The following SCN1A variants were observed in gnomAD, a reference collection of about 807,000 sequenced individuals.
The protein encoded by SCN1A is sodium channel protein type 1 subunit alpha.
In SCN1A, 13 loss-of-function variants were observed where a neutral mutation model predicts 193.7. That is an observed-to-expected ratio of 0.07 (90% CI 0.04 to 0.11). SCN1A has a LOEUF of 0.11. Ranked by LOEUF, SCN1A falls within the 10% of genes least tolerant of loss-of-function variation. The probability of loss-of-function intolerance (pLI) is 1.00; values close to 1 mark genes in which losing one functional copy is unlikely to be tolerated. For missense variants in SCN1A, 1,432 were observed against 2,451.1 expected (o/e 0.58, Z 8.78); for synonymous variants, 781 against 843.6 (o/e 0.93, Z 1.29).
upstream of SCN1A, among the ~76,000 whole-genome samples, chr2:166,131,197 CT>C (rs754050559): frequency 3.9e-5 from 6 of 152,108 alleles, no homozygotes; most frequent in Non-Finnish European, 7.3e-5. Flanking sequence ...CCAGGAACCC[CT>C]TTGTAATCTT....
chr2:166,082,175 G>A (rs1685596071), intron 2 of SCN1A, among the ~76,000 whole-genome samples: 3 of 151,944 alleles, frequency 2.0e-5, no homozygotes, highest in Admixed American at 1.3e-4. Context: ...ACAGAGATTA[G>A]TCTATTCCTC....
At chr2:166,099,128 C>G (rs1250770433) in intron 2 of SCN1A, among the ~76,000 whole-genome samples, 2 of 152,270 alleles carry the variant, frequency 1.3e-5, no homozygotes, top group East Asian at 3.9e-4. Context: ...GTAACCAAAA[C>G]AGCATAGTAC....
rs114574478 is a variant in SCN1A, at chr2:166,097,773, G to T, written c.-141-19972C>A. ...TTTAAAAATATTTTGTAGGGACAGG[G>T]TCTCACTTTGCTGCCTAGGTGGATC... On this transcript the variant is annotated intron_variant, in intron 2 of 28. Transcript: ENST00000674923. Among the ~76,000 whole-genome samples the T allele has an allele frequency of 2.7e-3, 412 of 152,182 alleles. 2 individuals are homozygous for T. The highest frequency in any genetic ancestry group is 9.6e-3 in the African/African-American group (399 of 41,524).
At chr2:166,005,466 A>T (rs1239582233) in intron 23 of SCN1A, among the ~76,000 whole-genome samples, 1 of 151,408 alleles carries the variant, frequency 6.6e-6, no homozygotes, top group Non-Finnish European at 1.5e-5. Context: ...TGACGCAAGC[A>T]TGTACTCTGC....
chr2:166,055,327 G>A (rs1699018869), intron 6 of SCN1A, among the ~76,000 whole-genome samples: 1 of 151,726 alleles, frequency 6.6e-6, no homozygotes, highest in Non-Finnish European at 1.5e-5. Context: ...AGAAACTTAG[G>A]TGTTTCCAAA....
In SCN1A at chr2:165,994,650, A is replaced by AAAAC. The variant is rs140431192; in HGVS notation, c.4582-238_4582-235dup. On this transcript the variant is annotated intron_variant, in intron 27 of 28. Coordinates refer to ENST00000674923, the MANE Select transcript of SCN1A (RefSeq NM_001165963.4). ...CCTTATCCAAAGAAGGTTTCTGATA[A>AAAAC]AAACAAACAAACAAACAAACAAACA... Among the ~76,000 whole-genome samples, 3,139 of 150,968 alleles carry AAAAC rather than the reference A, an allele frequency of 0.021. 100 individuals are homozygous for AAAAC. The highest frequency in any genetic ancestry group is 0.071 in the African/African-American group (2,925 of 41,134).
intron 20 of SCN1A, among the ~76,000 whole-genome samples, chr2:166,014,642 C>CA (rs77406188): frequency 0.018 from 1,228 of 67,182 alleles, 8 homozygotes; most frequent in African/African-American, 0.023. Flanking sequence ...TGCTCCAAGG[C>CA]AAAAAAAAAA....
chr2:166,004,440 C>T (rs536136120), intron 23 of SCN1A, among the ~76,000 whole-genome samples: 76 of 151,344 alleles, frequency 5.0e-4, no homozygotes, highest in African/African-American at 1.7e-3. Flanking sequence ...TTCTTTGAAA[C>T]GTTTCTCAGC....
chr2:166,144,333 C>A (rs2212656), intron 1 of SCN1A, among the ~76,000 whole-genome samples: 41,562 of 152,050 alleles, frequency 0.27, 5,869 homozygotes, highest in African/African-American at 0.35. Flanking sequence ...GCTGGGTCAT[C>A]AGTGTGGTAC....
intron 1 of SCN1A, among the ~76,000 whole-genome samples, chr2:166,142,756 T>G (rs1293004148): frequency 6.6e-6 from 1 of 152,182 alleles, no homozygotes; most frequent in Non-Finnish European, 1.5e-5. Context: ...TCACCTTGAA[T>G]TATAATAATC....
chr2:166,111,553 C>T (rs759885120), intron 2 of SCN1A, among the ~76,000 whole-genome samples: 41 of 152,144 alleles, frequency 2.7e-4, no homozygotes, highest in Admixed American at 4.6e-4. Flanking sequence ...TAGCACAACA[C>T]GCACTCTGCA....
chr2:166,073,516 T>C lies in SCN1A; in HGVS notation c.106A>G (p.Asn36Asp). Residue 36 changes from asparagine (N) to aspartate (D), a missense_variant, in exon 4 of 29, where the codon AAT becomes GAT. Physicochemically the swap from Asn to Asp is conservative, Grantham distance 23 (BLOSUM62 1). Coordinates refer to ENST00000674923, the MANE Select transcript of SCN1A (RefSeq NM_001165963.4). The part of the protein sequence containing the change: ...ERRIAEEKAK[N>D]PKPDKKDDDE... ...TCATCTTTTTTGTCTGGTTTGGGAT[T>C]CTTTGCCTTTTCTTCTGCAATGCGT... 1 of 1,614,220 alleles carries C rather than the reference T, an allele frequency of 6.2e-7. No individual in the cohort carries two copies. Among genetic ancestry groups the C allele is most frequent in the South Asian group, 1.1e-5 (1 of 91,082 alleles).
intron 25 of SCN1A, among the ~76,000 whole-genome samples, 159 bp from the exon 26 acceptor site, chr2:165,998,334 G>A (rs1217604311): frequency 1.4e-5 from 2 of 148,046 alleles, no homozygotes; most frequent in African/African-American, 5.0e-5. Context: ...CCCTGAAATT[G>A]GCCTTTAGGG....
intron 4 of SCN1A, among the ~76,000 whole-genome samples, chr2:166,065,915 T>G (rs1191608064): frequency 2.0e-5 from 3 of 152,162 alleles, no homozygotes; most frequent in Non-Finnish European, 1.5e-5. Context: ...AGAAAATAAT[T>G]CAAAATTATA....
intron 1 of SCN1A, among the ~76,000 whole-genome samples, chr2:166,144,808 G>A (rs984483324): frequency 6.6e-6 from 1 of 151,814 alleles, no homozygotes; most frequent in Admixed American, 6.6e-5. Flanking sequence ...CAGAGATAAT[G>A]GGGCCTATCT....
chr2:166,056,005 T>G (rs772346084), intron 6 of SCN1A, among the ~76,000 whole-genome samples: 1 of 152,098 alleles, frequency 6.6e-6, no homozygotes, highest in Non-Finnish European at 1.5e-5. Flanking sequence ...ATGAAAACTT[T>G]GCGAGGTTCA....
intron 22 of SCN1A, among the ~76,000 whole-genome samples, chr2:166,010,770 G>T (rs1426205126): frequency 2.0e-5 from 3 of 150,914 alleles, no homozygotes; most frequent in Non-Finnish European, 4.5e-5. Context: ...GAGATGTGCT[G>T]TAATTAGTCC....
At position 166,046,757 on chromosome 2, in the gene SCN1A, AG is replaced by A; in HGVS notation, c.1377+12del. 5.6e-6 allele frequency: 9 copies of A among 1,612,438 alleles called. No homozygotes were observed. Among genetic ancestry groups the A allele is most frequent in the Non-Finnish European group, 7.6e-6 (9 of 1,178,572 alleles). ...CGATAAAAGGTCAGTGCCATGAGAC[AG>A]GGCAGCTTTACCTGAGCTGCCTCCT... On this transcript the variant is annotated intron_variant, in intron 12 of 28. Transcript: ENST00000674923.
chr2:166,057,403 AG>A (rs543802869), intron 5 of SCN1A, among the ~76,000 whole-genome samples: 142 of 152,120 alleles, frequency 9.3e-4, no homozygotes, highest in Middle Eastern at 3.4e-3. Flanking sequence ...TTTAAAAATC[AG>A]GGAAATAAGG....
Sources: allele counts gnomAD v4.1 joint callset (sites outside exome capture counted in the v4.1 genomes callset), GRCh38; gene constraint gnomAD v4.1.1; transcripts MANE v1.5; gene names NCBI Gene and HGNC (gene_info 2026-07-23, HGNC 2026-07-21).